Variants in KLF7 observed in about 807,000 individuals in gnomAD.
KLF7 encodes Krueppel-like factor 7.
A neutral mutation model predicts 27.3 loss-of-function variants in KLF7; 2 were observed. That is an observed-to-expected ratio of 0.07 (90% confidence interval 0.03 to 0.23). The LOEUF is 0.23. Ranked by LOEUF, KLF7 falls within the 10% of genes least tolerant of loss-of-function variation. The pLI, the probability that KLF7 is intolerant of heterozygous loss-of-function variation, is 1.00. For missense variants in KLF7, 221 were observed against 394.1 expected (o/e 0.56, Z 3.72); for synonymous variants, 165 against 162.4 (o/e 1.02, Z -0.12).
At chr2:207,133,243 T>C (rs773063797) in intron 1 of KLF7, among the ~76,000 whole-genome samples, 1 of 152,214 alleles carries the variant, frequency 6.6e-6, no homozygotes, top group South Asian at 2.1e-4. Flanking sequence ...TTCCATTAGA[T>C]GGCCCTGCTT....
At chr2:207,103,290 A>G (rs781457013) in intron 2 of KLF7, among the ~76,000 whole-genome samples, 25 of 152,152 alleles carry the variant, frequency 1.6e-4, no homozygotes, top group Non-Finnish European at 2.2e-4. Flanking sequence ...ATCTGCATGA[A>G]AACTAGATTC....
upstream of KLF7, among the ~76,000 whole-genome samples, chr2:207,168,851 G>A (rs1333527424): frequency 6.6e-6 from 1 of 152,140 alleles, no homozygotes; most frequent in Non-Finnish European, 1.5e-5. Context: ...ACACATGCAA[G>A]GTATCCAGAT....
chr2:207,106,898 T>C (rs1016346371), intron 2 of KLF7, among the ~76,000 whole-genome samples: 1 of 152,126 alleles, frequency 6.6e-6, no homozygotes, highest in Non-Finnish European at 1.5e-5. Flanking sequence ...GCCAGCATAA[T>C]GCTGCAGGGG....
chr2:207,157,522 G>A (rs953056338), intron 1 of KLF7, among the ~76,000 whole-genome samples: 4 of 152,200 alleles, frequency 2.6e-5, no homozygotes, highest in African/African-American at 9.6e-5. Flanking sequence ...TGAAAAGGGG[G>A]GAACTTGCAA....
At position 207,076,501 on chromosome 2, in the gene KLF7, T is replaced by G. The variant is rs2076178707; in HGVS notation, c.*4712A>C. 6.6e-6 allele frequency: 1 copy of G among 152,198 alleles called. No individual in the cohort carries two copies. The highest frequency in any genetic ancestry group is 1.5e-5 in the Non-Finnish European group (1 of 68,024). 9.4% of individuals were successfully genotyped at this position (152,198 alleles called of 1,614,324 possible). ...AAGAAAGTTAACTGCAGCTTTATTTTTCCCTTTTCTGGGATCTATTAGGAA... is the reference window on the plus strand; with the variant it reads ...AAGAAAGTTAACTGCAGCTTTATTTGTCCCTTTTCTGGGATCTATTAGGAA... On this transcript the variant is annotated 3_prime_UTR_variant, in exon 4 of 4. Transcript: ENST00000309446.
intron 1 of KLF7, among the ~76,000 whole-genome samples, chr2:207,136,452 CT>C (rs34969353): frequency 0.21 from 31,427 of 152,034 alleles, 3,509 homozygotes; most frequent in Middle Eastern, 0.35. Context: ...CATCTGTTTC[CT>C]TTTCATCGAT....
intron 2 of KLF7, among the ~76,000 whole-genome samples, chr2:207,096,962 T>C (rs1347873109): frequency 6.6e-6 from 1 of 152,198 alleles, no homozygotes; most frequent in Admixed American, 6.5e-5. Flanking sequence ...CCTAAAGGGC[T>C]TGTTTAAAAC....
chr2:207,081,316 A>G (rs1172813649), intron 3 of KLF7, 52 bp from the exon 4 acceptor site: 1 of 1,366,438 alleles, frequency 7.3e-7, no homozygotes, highest in East Asian at 2.3e-5. Context: ...AAACAGCTTG[A>G]CTTGCATCAC....
At chr2:207,154,037 CA>C (rs2078316166) in intron 1 of KLF7, among the ~76,000 whole-genome samples, 1 of 152,100 alleles carries the variant, frequency 6.6e-6, no homozygotes, top group Non-Finnish European at 1.5e-5. Flanking sequence ...CAGGAACAAC[CA>C]CATCAAATTA....
At chr2:207,112,754 A>G (rs2077070861) in intron 2 of KLF7, among the ~76,000 whole-genome samples, 1 of 152,260 alleles carries the variant, frequency 6.6e-6, no homozygotes, top group Admixed American at 6.5e-5. Flanking sequence ...TAATGATGAA[A>G]CGGAAACTTC....
chr2:207,113,647 A>G (rs1205556181), intron 2 of KLF7, among the ~76,000 whole-genome samples: 1 of 150,696 alleles, frequency 6.6e-6, no homozygotes, highest in Non-Finnish European at 1.5e-5. Flanking sequence ...TAGCAACCAG[A>G]AAGAGCAGAA....
intron 1 of KLF7, among the ~76,000 whole-genome samples, chr2:207,149,793 T>C (rs1574568702): frequency 6.6e-6 from 1 of 152,172 alleles, no homozygotes; most frequent in African/African-American, 2.4e-5. Flanking sequence ...GCAGTAACCT[T>C]CTACCAACTT....
chr2:207,082,291 G>C (rs2076290439), intron 3 of KLF7, among the ~76,000 whole-genome samples: 1 of 152,172 alleles, frequency 6.6e-6, no homozygotes, highest in Admixed American at 6.5e-5. Context: ...TATTGGAAGA[G>C]AGAAGCTCTC....
chr2:207,147,532 ATTGGCT>A (rs2078127531), intron 1 of KLF7, among the ~76,000 whole-genome samples: 1 of 152,064 alleles, frequency 6.6e-6, no homozygotes, highest in East Asian at 1.9e-4. Context: ...ACAGAAGATA[ATTGGCT>A]TTTCATTTTA....
chr2:207,098,373 C>T (rs2076679867), intron 2 of KLF7, among the ~76,000 whole-genome samples: 1 of 152,126 alleles, frequency 6.6e-6, no homozygotes, highest in African/African-American at 2.4e-5. Context: ...AAGATGACAA[C>T]TACACCAAGT....
chr2:207,106,808 A>C (rs2076895199), intron 2 of KLF7, among the ~76,000 whole-genome samples: 1 of 152,198 alleles, frequency 6.6e-6, no homozygotes, highest in African/African-American at 2.4e-5. Context: ...GGCTGAAAGC[A>C]CAGAGAGTGG....
intron 2 of KLF7, among the ~76,000 whole-genome samples, chr2:207,102,961 C>T (rs2076802019): frequency 6.6e-6 from 1 of 152,176 alleles, no homozygotes; most frequent in Non-Finnish European, 1.5e-5. Flanking sequence ...CAGAGTCTCG[C>T]TCTGTCACCC....
intron 2 of KLF7, among the ~76,000 whole-genome samples, chr2:207,093,449 G>T (rs184067876): frequency 6.6e-6 from 1 of 152,108 alleles, no homozygotes; most frequent in Admixed American, 6.5e-5. Flanking sequence ...TCCTCGCTCT[G>T]CCTGGAACAC....
At chr2:207,089,041 C>G (rs1200731022) in intron 2 of KLF7, among the ~76,000 whole-genome samples, 1 of 152,228 alleles carries the variant, frequency 6.6e-6, no homozygotes, top group Non-Finnish European at 1.5e-5. Flanking sequence ...TCTCCCTCCC[C>G]TTCCCTCCTA....
Sources: allele counts gnomAD v4.1 joint callset (sites outside exome capture counted in the v4.1 genomes callset), GRCh38; gene constraint gnomAD v4.1.1; transcripts MANE v1.5; gene names NCBI Gene and HGNC (gene_info 2026-07-23, HGNC 2026-07-21).